The following DNAJC24 variants were observed in gnomAD, a reference collection of about 807,000 sequenced individuals.
DNAJC24 encodes the protein DnaJ heat shock protein family (Hsp40) member C24, also known as dnaJ homolog subfamily C member 24.
A neutral mutation model predicts 18.0 loss-of-function variants in DNAJC24; 17 were observed. The ratio of observed to expected loss-of-function variants is 0.94; its 90% confidence interval spans 0.65 to 1.42. The LOEUF is 1.42. Ranked by LOEUF, DNAJC24 falls within the 40% of genes most tolerant of loss-of-function variation. The pLI, the probability that DNAJC24 is intolerant of heterozygous loss-of-function variation, is 0.00. For missense variants in DNAJC24, 158 were observed against 175.6 expected, an observed-to-expected ratio of 0.90 and a Z score of 0.57; for synonymous variants, 55 against 57.7, an observed-to-expected ratio of 0.95 and a Z score of 0.21.
At chr11:31,391,604 CA>C (rs1952497060) in intron 2 of DNAJC24, among the ~76,000 whole-genome samples, 1 of 152,080 alleles carries the variant, frequency 6.6e-6, no homozygotes, top group African/African-American at 2.4e-5. Flanking sequence ...AAGACAATAA[CA>C]AATGCTGGCG....
intron 2 of DNAJC24, among the ~76,000 whole-genome samples, chr11:31,385,716 T>C (rs929008050): frequency 6.6e-6 from 1 of 152,150 alleles, no homozygotes; most frequent in Non-Finnish European, 1.5e-5. Flanking sequence ...GTGATAGTAA[T>C]AATGTAATAT....
At chr11:31,390,472 G>A (rs538028082) in intron 2 of DNAJC24, among the ~76,000 whole-genome samples, 16 of 151,430 alleles carry the variant, frequency 1.1e-4, no homozygotes, top group African/African-American at 3.6e-4. Flanking sequence ...CTTTGGGAGG[G>A]CAAGGGGAGC....
chr11:31,374,180 A>G (rs628174), intron 2 of DNAJC24: 36,512 of 367,410 alleles, frequency 0.099, 10,315 homozygotes, highest in African/African-American at 0.53. Context: ...CCTGATTTTA[A>G]GAGGAAAACC....
At position 31,394,952 on chromosome 11, in the gene DNAJC24, T is replaced by C. The variant is rs1371914787; in HGVS notation, c.112-19859T>C. ...GGTTACATTGCATGTTACAGGGGTT[T>C]GATGTATAGATTATTTTGTCACTCA... On this transcript the variant is annotated intron_variant, in intron 2 of 4. Transcript: ENST00000465995. Among the ~76,000 whole-genome samples the C allele has an allele frequency of 2.0e-5, 3 of 152,202 alleles. No homozygotes were observed. In the East Asian group the frequency reaches 5.8e-4, roughly 29 times the overall value.
In DNAJC24 at chr11:31,431,188, T is replaced by G. The variant is rs1952919669; in HGVS notation, c.*787T>G. 6.6e-6 allele frequency: 1 copy of G among 151,768 alleles called. No homozygotes were observed. Among genetic ancestry groups the G allele is most frequent in the Non-Finnish European group, 1.5e-5 (1 of 68,016 alleles). The allele number at this position is 151,768 out of a possible 1,614,324, so 9.4% of individuals were successfully genotyped here. ...GTGCCCACCACCATGCCCAGCTAAT[T>G]TTTGTATTTTTAGTAGAGATGGGGT... On this transcript the variant is annotated 3_prime_UTR_variant, in exon 5 of 5. Transcript: ENST00000465995.
In DNAJC24 at chr11:31,386,444, AG is replaced by A. The variant is rs1419487066; in HGVS notation, c.111+15587del. ...GAATAGGGTATCAGGCAGAGTCCTG[AG>A]GCCCCCCATTCTAGGCTGTAGCTCC... On this transcript the variant is annotated intron_variant, in intron 2 of 4. Coordinates refer to ENST00000465995, the MANE Select transcript of DNAJC24 (RefSeq NM_181706.5). Among the ~76,000 whole-genome samples, 31 of 137,090 alleles carry A rather than the reference AG, an allele frequency of 2.3e-4. 1 individual carries two copies. Among genetic ancestry groups the A allele is most frequent in the Admixed American group, 1.5e-3 (20 of 13,712 alleles). The allele number at this position is 137,090 out of a possible 152,430, so 89.9% of individuals were successfully genotyped here.
chr11:31,398,093 G>A (rs527593057), intron 2 of DNAJC24, among the ~76,000 whole-genome samples: 1 of 152,234 alleles, frequency 6.6e-6, no homozygotes, highest in African/African-American at 2.4e-5. Flanking sequence ...GAGCCACCAC[G>A]CCTGGCCCAA....
chr11:31,426,407 A>G (rs780304966), intron 4 of DNAJC24, 52 bp downstream of exon 4: 37 of 1,076,488 alleles, frequency 3.4e-5, no homozygotes, highest in Middle Eastern at 2.4e-4. Flanking sequence ...GGAATTTTCT[A>G]TAAGAAAAAA....
intron 2 of DNAJC24, among the ~76,000 whole-genome samples, chr11:31,406,886 C>T (rs1340653400): frequency 6.6e-6 from 1 of 151,998 alleles, no homozygotes; most frequent in African/African-American, 2.4e-5. Flanking sequence ...AAAAATTTTT[C>T]CCCTCTCATC....
intron 2 of DNAJC24, among the ~76,000 whole-genome samples, chr11:31,382,349 T>C (rs1409222531): frequency 6.6e-6 from 1 of 152,170 alleles, no homozygotes; most frequent in Non-Finnish European, 1.5e-5. Context: ...AAGGGTTTCA[T>C]AAAGACTAAA....
intron 3 of DNAJC24, chr11:31,417,362 A>G (rs1952759576): frequency 6.6e-6 from 1 of 151,980 alleles, no homozygotes; most frequent in African/African-American, 2.4e-5. Context: ...ACCGTTATTA[A>G]TTTTTTCTTC....
At chr11:31,404,070 C>G (rs1251444025) in intron 2 of DNAJC24, among the ~76,000 whole-genome samples, 1 of 152,116 alleles carries the variant, frequency 6.6e-6, no homozygotes, top group Non-Finnish European at 1.5e-5. Flanking sequence ...TGTCATGGCT[C>G]TGGTGGGAGT....
At chr11:31,373,433 T>A (rs1214981236) in intron 2 of DNAJC24, among the ~76,000 whole-genome samples, 11 of 135,358 alleles carry the variant, frequency 8.1e-5, no homozygotes, top group African/African-American at 2.7e-4. Flanking sequence ...ATGAGTCTAT[T>A]ACTGGACTCT....
At chr11:31,377,933 A>G (rs1385591893) in intron 2 of DNAJC24, among the ~76,000 whole-genome samples, 1 of 152,130 alleles carries the variant, frequency 6.6e-6, no homozygotes, top group Non-Finnish European at 1.5e-5. Context: ...GTAAAATACC[A>G]CTTAATACTT....
chr11:31,429,054 TA>T (rs1232672621), intron 4 of DNAJC24, among the ~76,000 whole-genome samples: 2 of 152,156 alleles, frequency 1.3e-5, no homozygotes, highest in South Asian at 2.1e-4. Context: ...AATTTAATAA[TA>T]AAAAAATTCA....
At chr11:31,407,008 T>G (rs940381946) in intron 2 of DNAJC24, among the ~76,000 whole-genome samples, 1 of 152,172 alleles carries the variant, frequency 6.6e-6, no homozygotes, top group African/African-American at 2.4e-5. Context: ...TCAAACATAT[T>G]AAACTTGTGC....
At chr11:31,394,761 TAA>T (rs1281213828) in intron 2 of DNAJC24, among the ~76,000 whole-genome samples, 1 of 151,988 alleles carries the variant, frequency 6.6e-6, no homozygotes, top group African/African-American at 2.4e-5. Context: ...ATAAATGAAT[TAA>T]ACACCCAGGT....
chr11:31,430,217 T>G, intron 4 of DNAJC24, 54 bp from the exon 5 acceptor site: 1 of 1,508,380 alleles, frequency 6.6e-7, no homozygotes, highest in Non-Finnish European at 9.0e-7. Context: ...TTAAGGGTAT[T>G]AGTGAGGTAG....
intron 3 of DNAJC24, chr11:31,421,970 A>G (rs1170049539): frequency 6.7e-6 from 3 of 445,986 alleles, no homozygotes; most frequent in East Asian, 1.4e-4. Flanking sequence ...TTTGAATTGC[A>G]GGCTCATAAA....
Sources: gnomAD v4.1 joint callset for allele counts (sites outside exome capture counted in the v4.1 genomes callset) on GRCh38, gnomAD v4.1.1 for gene constraint, MANE v1.5 for transcripts, NCBI Gene and HGNC (gene_info 2026-07-23, HGNC 2026-07-21) for gene names.